NCAM1: variants seen among roughly 807,000 people sequenced by gnomAD.
NCAM1 encodes the protein antigen recognized by monoclonal antibody 5.1H11.
In NCAM1, 14 loss-of-function variants were observed where a neutral mutation model predicts 109.8. The ratio of observed to expected loss-of-function variants is 0.13; its 90% CI spans 0.08 to 0.20. NCAM1 has a LOEUF of 0.20. Ranked by LOEUF, NCAM1 falls within the 10% of genes least tolerant of loss-of-function variation. NCAM1 has a pLI of 1.00. For missense variants in NCAM1, 774 were observed against 1,109.9 expected (o/e 0.70, Z 4.30); for synonymous variants, 418 against 442.9 (o/e 0.94, Z 0.70).
At chr11:113,004,845 C>T (rs1027191681) in intron 1 of NCAM1, among the ~76,000 whole-genome samples, 2 of 150,856 alleles carry the variant, frequency 1.3e-5, no homozygotes, top group African/African-American at 4.9e-5. Context: ...CTGTCTCTGC[C>T]TCTTCTCTAA....
At chr11:112,974,965 A>C (rs1385759058) in intron 1 of NCAM1, among the ~76,000 whole-genome samples, 2 of 152,008 alleles carry the variant, frequency 1.3e-5, no homozygotes, top group African/African-American at 4.8e-5. Context: ...GCGGGCTTTT[A>C]AAATCTTTTT....
At position 113,273,692 on chromosome 11, in the gene NCAM1, T is replaced by C; in HGVS notation, c.2457-1575T>C. 2.2e-6 allele frequency: 1 copy of C among 455,856 alleles called. No individual in the cohort carries two copies. The highest frequency in any genetic ancestry group is 1.6e-5 in the South Asian group (1 of 64,506). 28.2% of individuals were successfully genotyped at this position (455,856 alleles called of 1,614,324 possible). A position where few individuals can be genotyped will look rare whatever the true frequency, so the allele number is the denominator to read the frequency against. On this transcript the variant is annotated intron_variant, in intron 19 of 19. Coordinates refer to ENST00000316851, the MANE Select transcript of NCAM1 (RefSeq NM_181351.5). The surrounding 1 kb of genome is among the most constrained non-coding windows in gnomAD (Gnocchi z 6.0). ...CCGCTGGGGCCAGTGGACAAGCCCCTGAGCTTGCTCCTTCCACTGCAGACA... is the reference window on the plus strand; with the variant it reads ...CCGCTGGGGCCAGTGGACAAGCCCCCGAGCTTGCTCCTTCCACTGCAGACA...
At chr11:112,974,729 T>G (rs1314404634) in intron 1 of NCAM1, among the ~76,000 whole-genome samples, 2 of 151,856 alleles carry the variant, frequency 1.3e-5, no homozygotes, top group African/African-American at 4.8e-5. Flanking sequence ...ATCTCTCTAT[T>G]TATAAAAATT....
chr11:113,099,889 A>G (rs1434472942), intron 1 of NCAM1, among the ~76,000 whole-genome samples: 1 of 152,096 alleles, frequency 6.6e-6, no homozygotes, highest in Non-Finnish European at 1.5e-5. Flanking sequence ...GGGTTTCACC[A>G]TATTGGCCAG....
chr11:113,027,333 C>G (rs939056935), intron 1 of NCAM1, among the ~76,000 whole-genome samples: 1 of 152,180 alleles, frequency 6.6e-6, no homozygotes, highest in South Asian at 2.1e-4. Context: ...AGAACATAAC[C>G]AATGTTGTAG....
chr11:113,069,028 T>G lies in NCAM1; in HGVS notation c.52+107364T>G, dbSNP rs1352043470. ...ACTTTGTTTGTATTTATTAATTCATTTATTGATTTACAGATATTTAATGAT... is the reference window on the plus strand; with the variant it reads ...ACTTTGTTTGTATTTATTAATTCATGTATTGATTTACAGATATTTAATGAT... On this transcript the variant is annotated intron_variant, in intron 1 of 19. Coordinates refer to ENST00000316851, the MANE Select transcript of NCAM1 (RefSeq NM_181351.5). Among the ~76,000 whole-genome samples, 5 of 152,108 alleles carry G rather than the reference T, an allele frequency of 3.3e-5. No homozygotes were observed. The South Asian group carries it at 8.3e-4, about 25-fold the overall frequency.
At chr11:113,204,885 ACT>A (rs1555112587) in intron 3 of NCAM1, among the ~76,000 whole-genome samples, 1 of 151,480 alleles carries the variant, frequency 6.6e-6, no homozygotes, top group African/African-American at 2.4e-5. Context: ...TTATCTGAAC[ACT>A]CTCTGCCACT....
chr11:113,023,739 C>G lies in NCAM1; in HGVS notation c.52+62075C>G, dbSNP rs370698535. 1.4e-4 allele frequency among the ~76,000 whole-genome samples: 22 copies of G among 152,128 alleles called. No individual in the cohort carries two copies. In the South Asian group the frequency reaches 4.6e-3, roughly 32 times the overall value. Reference sequence around the variant, plus strand: ...AATTTCATAGAATTAGGAACTTTGTCGGTTTTCTTGTTTTAATGATGTTGA... The same window carrying G: ...AATTTCATAGAATTAGGAACTTTGTGGGTTTTCTTGTTTTAATGATGTTGA... On this transcript the variant is annotated intron_variant, in intron 1 of 19. Transcript: ENST00000316851.
chr11:113,216,061 C>T (rs782139699), intron 8 of NCAM1, among the ~76,000 whole-genome samples: 4 of 151,974 alleles, frequency 2.6e-5, no homozygotes, highest in Admixed American at 1.3e-4. Flanking sequence ...GCTCAACAGC[C>T]AAGCTAGACC....
chr11:113,187,348 A>G (rs571222757), intron 1 of NCAM1, among the ~76,000 whole-genome samples: 2 of 152,300 alleles, frequency 1.3e-5, no homozygotes, highest in East Asian at 3.9e-4. Context: ...GGTTCAGGGA[A>G]GGTACAGGAC....
chr11:113,239,111 A>G (rs1193604542), intron 14 of NCAM1, among the ~76,000 whole-genome samples: 2 of 152,218 alleles, frequency 1.3e-5, no homozygotes, highest in Non-Finnish European at 2.9e-5. Flanking sequence ...TCTTGTTTTC[A>G]AGCTGCCAGT....
At chr11:113,034,648 C>G (rs1206394943) in intron 1 of NCAM1, among the ~76,000 whole-genome samples, 1 of 152,118 alleles carries the variant, frequency 6.6e-6, no homozygotes, top group Admixed American at 6.5e-5. Flanking sequence ...GTTAACATCT[C>G]ATGGTGTAGG....
At chr11:113,003,438 T>C (rs1454653312) in intron 1 of NCAM1, among the ~76,000 whole-genome samples, 1 of 152,218 alleles carries the variant, frequency 6.6e-6, no homozygotes, top group African/African-American at 2.4e-5. Flanking sequence ...GCAGAAACAC[T>C]CAGCTTGGTT....
At position 113,277,516 on chromosome 11, in the gene NCAM1, G is replaced by A; in HGVS notation, c.*2129G>A. On this transcript the variant is annotated 3_prime_UTR_variant, in exon 20 of 20. Transcript: ENST00000316851. ...GTGAGAGCCTGGGTGTCTGAGACCG[G>A]GAGGGCCCAGCAGTGAGGGGCAGGC... The A allele has an allele frequency of 5.0e-6, 2 of 398,536 alleles. No homozygotes were observed. The highest frequency in any genetic ancestry group is 4.4e-6 in the Non-Finnish European group (1 of 225,994). 24.7% of individuals were successfully genotyped at this position (398,536 alleles called of 1,614,324 possible).
chr11:113,270,101 T>C, intron 17 of NCAM1, 87 bp from the exon 18 acceptor site: 1 of 1,330,148 alleles, frequency 7.5e-7, no homozygotes, highest in Non-Finnish European at 1.1e-6. Flanking sequence ...CTCTGGGCCC[T>C]CCCCACCCGC....
intron 14 of NCAM1, chr11:113,240,837 A>G: frequency 6.2e-7 from 1 of 1,612,742 alleles, no homozygotes; most frequent in South Asian, 1.1e-5. Context: ...CCAGATAGTG[A>G]GTATCATTTT....
intron 1 of NCAM1, among the ~76,000 whole-genome samples, chr11:113,122,430 C>T (rs1941003894): frequency 6.6e-6 from 1 of 152,062 alleles, no homozygotes; most frequent in Non-Finnish European, 1.5e-5. Flanking sequence ...CATGGTGGAT[C>T]CTCAAAAAAG....
chr11:113,055,894 T>C (rs572881525), intron 1 of NCAM1, among the ~76,000 whole-genome samples: 9 of 150,078 alleles, frequency 6.0e-5, no homozygotes, highest in Non-Finnish European at 1.2e-4. Flanking sequence ...TGCACTTCTA[T>C]GTTTAATATA....
At position 113,092,928 on chromosome 11, in the gene NCAM1, C is replaced by T. The variant is rs995431112; in HGVS notation, c.53-109451C>T. Among the ~76,000 whole-genome samples, 8 of 152,162 alleles carry T rather than the reference C, an allele frequency of 5.3e-5. 1 individual carries two copies. On this transcript the variant is annotated intron_variant, in intron 1 of 19. Transcript: ENST00000316851. ...ACCCACAAAATACTAGCATTAAATGCTGAATATGAAAATACTAAATGCTAA... is the reference window on the plus strand; with the variant it reads ...ACCCACAAAATACTAGCATTAAATGTTGAATATGAAAATACTAAATGCTAA...
Sources: allele counts gnomAD v4.1 joint callset (sites outside exome capture counted in the v4.1 genomes callset), GRCh38; gene constraint gnomAD v4.1.1; non-coding constraint Gnocchi (gnomAD v3.1); transcripts MANE v1.5; gene names NCBI Gene and HGNC (gene_info 2026-07-23, HGNC 2026-07-21).